Variants in AKAP19 observed in about 807,000 individuals in gnomAD.
AKAP19 encodes the protein A-kinase anchoring protein 19, also known as small A-kinase anchoring protein.
At chr2:190,099,392 A>G in the AKAP19 span, among the ~76,000 whole-genome samples, 131 of 152,310 alleles carry the variant, frequency 8.6e-4, no homozygotes, top group Non-Finnish European at 9.6e-4. Context: ...GGAGAGAGAC[A>G]GGGTAATGAC....
At chr2:190,130,234 A>G in the AKAP19 span, among the ~76,000 whole-genome samples, 1 of 152,224 alleles carries the variant, frequency 6.6e-6, no homozygotes, top group Admixed American at 6.5e-5. Context: ...AAGAAGGAGT[A>G]TAAGAATTGA....
At chr2:190,159,415 T>A in the AKAP19 span, among the ~76,000 whole-genome samples, 2 of 152,234 alleles carry the variant, frequency 1.3e-5, no homozygotes, top group Admixed American at 1.3e-4. Flanking sequence ...ACATCTACTC[T>A]CTGGTTATGA....
the AKAP19 span, among the ~76,000 whole-genome samples, chr2:190,195,082 TTGAACTCCTGGGCTCAAATGATACTCGCC>T: frequency 6.6e-6 from 1 of 152,208 alleles, no homozygotes; most frequent in African/African-American, 2.4e-5. Flanking sequence ...TAGGCTGGTC[TTGAACTCCTGGGCTCAAATGATACTCGCC>T]TCAGCCTCCC....
the AKAP19 span, among the ~76,000 whole-genome samples, chr2:190,152,625 C>T: frequency 6.6e-6 from 1 of 151,946 alleles, no homozygotes; most frequent in Non-Finnish European, 1.5e-5. Context: ...TCACTTTTTC[C>T]CCCATAGGAA....
the AKAP19 span, among the ~76,000 whole-genome samples, chr2:190,125,034 A>G: frequency 2.6e-5 from 4 of 152,138 alleles, no homozygotes; most frequent in Non-Finnish European, 1.5e-5. Flanking sequence ...TGGAGCTGTC[A>G]TCTCCTCTGA....
the AKAP19 span, among the ~76,000 whole-genome samples, chr2:190,032,282 C>T: frequency 3.9e-5 from 6 of 152,088 alleles, no homozygotes; most frequent in Admixed American, 2.0e-4. Context: ...ACATATAAAT[C>T]ATGCCAAAAA....
At chr2:190,017,763 T>C in the AKAP19 span, among the ~76,000 whole-genome samples, 8,112 of 152,242 alleles carry the variant, frequency 0.053, 747 homozygotes, top group African/African-American at 0.18. Context: ...ATGCTTTCTT[T>C]TGTTTTATGT....
the AKAP19 span, among the ~76,000 whole-genome samples, chr2:189,929,845 T>A: frequency 6.6e-6 from 1 of 152,180 alleles, no homozygotes; most frequent in Admixed American, 6.5e-5. Flanking sequence ...AATAAAACCT[T>A]GACCCAAATG....
At chr2:190,063,371 TATGAAA>T in the AKAP19 span, among the ~76,000 whole-genome samples, 1 of 152,258 alleles carries the variant, frequency 6.6e-6, no homozygotes, top group African/African-American at 2.4e-5. Flanking sequence ...CTTTTATTAA[TATGAAA>T]ATTATACTGA....
At chr2:189,923,960 A>T in the AKAP19 span, 1 of 1,608,702 alleles carries the variant, frequency 6.2e-7, no homozygotes, top group African/African-American at 1.3e-5. Context: ...AAAGGAACAG[A>T]GCAAACAAGC....
chr2:190,110,206 C>A, the AKAP19 span, among the ~76,000 whole-genome samples: 6 of 152,178 alleles, frequency 3.9e-5, no homozygotes, highest in African/African-American at 1.4e-4. Flanking sequence ...GTAAGTGTCA[C>A]ATAGTGAGGG....
chr2:190,097,353 C>G, the AKAP19 span, among the ~76,000 whole-genome samples: 1 of 152,104 alleles, frequency 6.6e-6, no homozygotes, highest in Non-Finnish European at 1.5e-5. Context: ...CATTAGTTTG[C>G]TGGTGGATGG....
chr2:189,909,220 T>A, the AKAP19 span, among the ~76,000 whole-genome samples: 28 of 151,924 alleles, frequency 1.8e-4, 1 homozygote, highest in South Asian at 4.8e-3. Context: ...ATATATATAT[T>A]TTTTCTTTGC....
chr2:189,886,992 A>AT, the AKAP19 span, among the ~76,000 whole-genome samples: 2 of 151,986 alleles, frequency 1.3e-5, no homozygotes, highest in South Asian at 2.1e-4. Flanking sequence ...TTTTTTTTAA[A>AT]TTTTTTTTAT....
chr2:189,892,911 T>TTCCTTCCTCTGGAAGCTTCGTCCCA, the AKAP19 span, among the ~76,000 whole-genome samples: 2 of 152,188 alleles, frequency 1.3e-5, no homozygotes, highest in East Asian at 3.9e-4. Flanking sequence ...GCTGCTGCCT[T>TTCCTTCCTCTGGAAGCTTCGTCCCA]TCTTTCAGAG....
the AKAP19 span, among the ~76,000 whole-genome samples, chr2:189,913,198 G>C: frequency 6.6e-6 from 1 of 152,026 alleles, no homozygotes; most frequent in Non-Finnish European, 1.5e-5. Context: ...TAAAAGAAAA[G>C]AAAGCAACTG....
At chr2:189,991,813 A>G in the AKAP19 span, among the ~76,000 whole-genome samples, 1 of 152,046 alleles carries the variant, frequency 6.6e-6, no homozygotes, top group Admixed American at 6.6e-5. Context: ...TATCTTCTAG[A>G]ATTTTTATGG....
chr2:190,075,776 T>C, the AKAP19 span, among the ~76,000 whole-genome samples: 11 of 152,188 alleles, frequency 7.2e-5, no homozygotes, highest in Admixed American at 7.2e-4. Context: ...GTCTTGTTTT[T>C]TTATTCAGTC....
chr2:190,174,346 G>A, the AKAP19 span, among the ~76,000 whole-genome samples: 4 of 152,134 alleles, frequency 2.6e-5, no homozygotes, highest in African/African-American at 7.2e-5. Flanking sequence ...GCTGGTTCTC[G>A]TACTGCCCAT....
Sources: gnomAD v4.1 joint callset for allele counts (sites outside exome capture counted in the v4.1 genomes callset) on GRCh38, gnomAD v4.1.1 for gene constraint, MANE v1.5 for transcripts, NCBI Gene and HGNC (gene_info 2026-07-23, HGNC 2026-07-21) for gene names.